The following DDX19B variants were observed in gnomAD, a reference collection of about 807,000 sequenced individuals.
DDX19B encodes the protein DEAD-box helicase 19B.
A neutral mutation model predicts 58.1 loss-of-function variants in DDX19B; 27 were observed. That is an observed-to-expected ratio of 0.46 (90% CI 0.34 to 0.64). The LOEUF (loss-of-function observed/expected upper bound fraction) is 0.64. Ranked by LOEUF, DDX19B falls within the 30% of genes least tolerant of loss-of-function variation. The pLI is 0.01. For synonymous variants in DDX19B, 187 were observed against 214.4 expected (o/e 0.87, Z 1.12); for missense variants, 399 against 596.5 (o/e 0.67, Z 3.45).
upstream of DDX19B, among the ~76,000 whole-genome samples, chr16:70,297,767 C>T (rs1357475279): frequency 6.6e-6 from 1 of 152,134 alleles, no homozygotes; most frequent in African/African-American, 2.4e-5. Context: ...GTTGCGCAGA[C>T]TAGAGTGCAG....
At chr16:70,322,588 CAAAAAAAAAAA>C (rs568610716) in intron 5 of DDX19B, among the ~76,000 whole-genome samples, 2 of 47,510 alleles carry the variant, frequency 4.2e-5, no homozygotes, top group African/African-American at 1.8e-4. Flanking sequence ...GACCTTGTCT[CAAAAAAAAAAA>C]AAAAAAAAAA....
rs750146529 is a variant in DDX19B at position 70,299,301 on chromosome 16, G to A, written c.4G>A (p.Ala2Thr). ...CGTCCCACCCGCGCCTGGGACCATG[G>A]CCACTGACTCATGGGCCCTGGCGGT... M[A>T]TDSWALAVDE... is the part of the protein sequence containing the mutation. The change falls in exon 1 of 12, where the codon GCC becomes ACC. Residue 2 changes from alanine to threonine, a missense_variant. Ala to Thr is a moderately conservative substitution (Grantham distance 58). Around this residue, in one of 4 missense-constraint regions of DDX19B, gnomAD observed 132 missense variants for 159.4 expected, o/e 0.83. Transcript: ENST00000288071. The A allele has an allele frequency of 4.4e-6, 7 of 1,599,750 alleles. No individual in the cohort carries two copies. In the East Asian group the frequency reaches 1.4e-4, roughly 31 times the overall value.
At position 70,331,813 on chromosome 16, in the gene DDX19B, G is replaced by C. The variant is rs1412872472; in HGVS notation, c.1115G>C (p.Arg372Thr). The C allele has an allele frequency of 6.2e-7, 1 of 1,614,210 alleles. No individual in the cohort carries two copies. The highest frequency in any genetic ancestry group is 1.1e-5 in the South Asian group (1 of 91,088). The change falls in exon 10 of 12, where the codon AGG becomes ACG. Residue 372 changes from arginine (R) to threonine (T), a missense_variant. By Grantham distance (71) the Arg-to-Thr change is moderately conservative. Coordinates refer to ENST00000288071, the MANE Select transcript of DDX19B (RefSeq NM_007242.7). Reference protein sequence around the residue: ...LLSGEMMVEQRAAVIERFREG... With the variant: ...LLSGEMMVEQTAAVIERFREG... ...AGTGGGGAGATGATGGTGGAACAGA[G>C]GGCTGCAGTGATTGAGCGCTTCCGA... is the stretch of plus-strand genomic sequence containing the variant.
At chr16:70,330,184 C>G (rs1218979396) in intron 9 of DDX19B, 116 bp downstream of exon 9, 10 of 1,260,000 alleles carry the variant, frequency 7.9e-6, no homozygotes, top group Middle Eastern at 2.7e-4. Context: ...GGTTTGTTCT[C>G]CTAAGGTTTT....
chr16:70,306,375 T>G (rs1961754896), intron 1 of DDX19B, among the ~76,000 whole-genome samples: 1 of 151,946 alleles, frequency 6.6e-6, no homozygotes, highest in African/African-American at 2.4e-5. Context: ...CAGTCTCAAG[T>G]TCCTGAGCTC....
intron 1 of DDX19B, among the ~76,000 whole-genome samples, chr16:70,305,617 T>C (rs141523640): frequency 3.3e-5 from 5 of 152,310 alleles, no homozygotes; most frequent in Admixed American, 2.0e-4. Flanking sequence ...TTGTGTGTGC[T>C]GGCTTCATAT....
In DDX19B at chr16:70,329,381, C is replaced by T. The variant is rs770219918; in HGVS notation, c.697C>T (p.Pro233Ser). The T allele has an allele frequency of 3.1e-6, 5 of 1,614,066 alleles. No homozygotes were observed. Among genetic ancestry groups the T allele is most frequent in the Admixed American group, 3.3e-5 (2 of 59,998 alleles). The change falls in exon 8 of 12, where the codon CCC becomes TCC. Residue 233 changes from proline (P) to serine (S), a missense_variant. Physicochemically the swap from Pro to Ser is moderately conservative, Grantham distance 74. Transcript: ENST00000288071. ...GTGCTCCAAGCTCAAGTTCATTGAT[C>T]CCAAGAAAATCAAGGTGTTTGTTCT... is the stretch of plus-strand genomic sequence containing the variant. ...DWCSKLKFID[P>S]KKIKVFVLDE...
At chr16:70,316,211 GTTT>G (rs35388962) in intron 4 of DDX19B, 107 bp downstream of exon 4, 155 of 1,209,454 alleles carry the variant, frequency 1.3e-4, no homozygotes, top group South Asian at 2.5e-4. Context: ...AGCTAACCAA[GTTT>G]TTTTTTTTTT....
chr16:70,301,852 C>T (rs572706212), intron 1 of DDX19B, among the ~76,000 whole-genome samples: 8 of 151,076 alleles, frequency 5.3e-5, no homozygotes, highest in South Asian at 2.1e-4. Flanking sequence ...ACTACAGGTG[C>T]GCACCACTGC....
At chr16:70,294,120 C>G (rs1597457236), upstream of DDX19B, among the ~76,000 whole-genome samples, 1 of 123,196 alleles carries the variant, frequency 8.1e-6, no homozygotes, top group Admixed American at 1.1e-4. Flanking sequence ...CTCACTCTGT[C>G]GCCCAGGCTG....
chr16:70,326,335 G>C (rs1454973164), intron 7 of DDX19B, among the ~76,000 whole-genome samples: 1 of 152,106 alleles, frequency 6.6e-6, no homozygotes, highest in Non-Finnish European at 1.5e-5. Context: ...AAATTAGCCA[G>C]GCGTGGTGGC....
chr16:70,330,730 T>C (rs1453251903), intron 9 of DDX19B, among the ~76,000 whole-genome samples: 1 of 151,178 alleles, frequency 6.6e-6, no homozygotes, highest in Non-Finnish European at 1.5e-5. Context: ...ATGGGCAACA[T>C]AGTGAGACCT....
chr16:70,293,967 T>A (rs1290065205), upstream of DDX19B, among the ~76,000 whole-genome samples: 1 of 152,044 alleles, frequency 6.6e-6, no homozygotes, highest in Non-Finnish European at 1.5e-5. Context: ...TATTATAATT[T>A]TTTTGTCTAA....
chr16:70,314,352 C>G (rs1031962059), intron 2 of DDX19B, among the ~76,000 whole-genome samples: 1 of 151,836 alleles, frequency 6.6e-6, no homozygotes, highest in Admixed American at 6.6e-5. Flanking sequence ...GAGAGGAGAC[C>G]TAGAATAGGA....
At chr16:70,296,324 C>G (rs983193642), upstream of DDX19B, among the ~76,000 whole-genome samples, 1 of 150,560 alleles carries the variant, frequency 6.6e-6, no homozygotes, top group Non-Finnish European at 1.5e-5. Flanking sequence ...TTTTAAGAGG[C>G]GATGGTTTCA....
At chr16:70,329,678 CCT>C (rs1358098003) in intron 8 of DDX19B, among the ~76,000 whole-genome samples, 151 bp from the exon 9 acceptor site, 11 of 152,242 alleles carry the variant, frequency 7.2e-5, no homozygotes, top group South Asian at 4.1e-4. Context: ...TCCCCCAACC[CCT>C]GTCCCCATCC....
chr16:70,327,298 G>T (rs1450591910), intron 7 of DDX19B, among the ~76,000 whole-genome samples: 2 of 151,822 alleles, frequency 1.3e-5, no homozygotes, highest in African/African-American at 2.4e-5. Flanking sequence ...ACTTTAGCAG[G>T]CCGAGGTGGG....
rs575703064 is a variant in DDX19B, at chr16:70,316,228, G to A, written c.296+124G>A. 2,923 of 1,045,832 alleles carry A rather than the reference G, an allele frequency of 2.8e-3. 8 individuals are homozygous for A. The highest frequency in any genetic ancestry group is 5.9e-3 in the South Asian group (341 of 58,124). 64.8% of individuals were successfully genotyped at this position (1,045,832 alleles called of 1,614,324 possible). On this transcript the variant is annotated intron_variant, in intron 4 of 11. Coordinates refer to ENST00000288071, the MANE Select transcript of DDX19B (RefSeq NM_007242.7). Reference sequence around the variant, plus strand: ...CTAACCAAGTTTTTTTTTTTTTTTCGAGACAGAGTCTCACTCTGTTGCCCA... The same window carrying A: ...CTAACCAAGTTTTTTTTTTTTTTTCAAGACAGAGTCTCACTCTGTTGCCCA...
At chr16:70,290,730 A>T (rs1052744423), upstream of DDX19B, among the ~76,000 whole-genome samples, 10 of 152,290 alleles carry the variant, frequency 6.6e-5, no homozygotes, top group African/African-American at 2.4e-4. Context: ...GAGGCATTGC[A>T]TCAAACATTT....
Sources: allele counts gnomAD v4.1 joint callset (sites outside exome capture counted in the v4.1 genomes callset), GRCh38; gene constraint gnomAD v4.1.1; regional missense constraint gnomAD v4.1.1; transcripts MANE v1.5; gene names NCBI Gene and HGNC (gene_info 2026-07-23, HGNC 2026-07-21).